The following INTS9 variants were observed in gnomAD, a reference collection of about 807,000 sequenced individuals.
INTS9 encodes the protein integrator complex subunit 9.
Under a neutral mutation model 79.7 loss-of-function variants are expected in INTS9, and 55 were observed. That is an observed-to-expected ratio of 0.69 (90% CI 0.56 to 0.86). The LOEUF (loss-of-function observed/expected upper bound fraction) is 0.86. Among genes scored for constraint, INTS9 ranks in the 40% least tolerant of loss-of-function variants. INTS9 has a pLI of 0.00. For missense variants in INTS9, 721 were observed against 831.5 expected, an observed-to-expected ratio of 0.87 and a Z score of 1.64; for synonymous variants, 319 against 325.2, an observed-to-expected ratio of 0.98 and a Z score of 0.20.
chr8:28,793,186 G>A (rs1181906955), intron 10 of INTS9, among the ~76,000 whole-genome samples: 1 of 152,104 alleles, frequency 6.6e-6, no homozygotes, highest in African/African-American at 2.4e-5. Context: ...TCACAGTCCC[G>A]GAACGTTTGG....
At chr8:28,776,847 C>T (rs1169191254) in intron 13 of INTS9, among the ~76,000 whole-genome samples, 2 of 152,162 alleles carry the variant, frequency 1.3e-5, no homozygotes, top group Non-Finnish European at 2.9e-5. Context: ...GCGTCAAGAG[C>T]TGGTTTAGGG....
intron 2 of INTS9, among the ~76,000 whole-genome samples, chr8:28,857,762 C>A (rs1460161908): frequency 2.0e-5 from 3 of 152,120 alleles, no homozygotes; most frequent in African/African-American, 7.2e-5. Flanking sequence ...GAACCAAATT[C>A]CCTGCCTTTA....
At chr8:28,828,769 G>T (rs1806298011) in intron 6 of INTS9, among the ~76,000 whole-genome samples, 2 of 152,016 alleles carry the variant, frequency 1.3e-5, no homozygotes, top group South Asian at 4.2e-4. Flanking sequence ...CACGATCTCG[G>T]CTCACCGCAA....
At chr8:28,849,350 C>T (rs570947412) in intron 3 of INTS9, among the ~76,000 whole-genome samples, 11 of 151,984 alleles carry the variant, frequency 7.2e-5, no homozygotes, top group East Asian at 3.9e-4. Flanking sequence ...ACTATTGATC[C>T]GAGGAAGGAA....
At chr8:28,801,766 C>A (rs1804541366) in intron 8 of INTS9, among the ~76,000 whole-genome samples, 1 of 152,258 alleles carries the variant, frequency 6.6e-6, no homozygotes, top group Admixed American at 6.5e-5. Flanking sequence ...GTGTGTGCCA[C>A]CATGGCCAGC....
intron 6 of INTS9, among the ~76,000 whole-genome samples, chr8:28,822,360 C>A (rs1311142806): frequency 5.9e-5 from 9 of 152,180 alleles, no homozygotes; most frequent in African/African-American, 2.2e-4. Context: ...AATTGGCAAA[C>A]CTTTTCCATA....
intron 14 of INTS9, among the ~76,000 whole-genome samples, chr8:28,773,463 CAAAA>C (rs142334976): frequency 7.4e-5 from 8 of 107,802 alleles, no homozygotes; most frequent in Non-Finnish European, 7.6e-5. Context: ...GACTCCGTCT[CAAAA>C]AAAAAAAAAA....
intron 16 of INTS9, among the ~76,000 whole-genome samples, chr8:28,769,105 C>G (rs757493363): frequency 2.6e-5 from 4 of 152,290 alleles, no homozygotes; most frequent in Non-Finnish European, 1.5e-5. Context: ...CAGCCAGAGC[C>G]TTTTTCCCTA....
chr8:28,780,332 G>C (rs1803181166), intron 12 of INTS9: 1 of 979,756 alleles, frequency 1.0e-6, no homozygotes, highest in Non-Finnish European at 1.2e-6. Flanking sequence ...GCATTCAAAG[G>C]GCTGGGCACG....
chr8:28,847,885 T>A (rs1807615515), intron 3 of INTS9, among the ~76,000 whole-genome samples: 1 of 152,228 alleles, frequency 6.6e-6, no homozygotes, highest in Admixed American at 6.5e-5. Flanking sequence ...CAGACAGCTC[T>A]GAGTTATCCC....
At chr8:28,789,263 G>T (rs115553797) in intron 10 of INTS9, among the ~76,000 whole-genome samples, 1 of 152,180 alleles carries the variant, frequency 6.6e-6, no homozygotes, top group African/African-American at 2.4e-5. Flanking sequence ...ATACAGAAGA[G>T]ATTACAATAT....
intron 1 of INTS9, among the ~76,000 whole-genome samples, chr8:28,881,927 C>A (rs1305081419): frequency 1.4e-5 from 2 of 147,278 alleles, no homozygotes; most frequent in African/African-American, 2.5e-5. Context: ...AGCCCCTCTG[C>A]CCGGCCACGA....
At chr8:28,826,983 C>CT (rs1806185607) in intron 6 of INTS9, among the ~76,000 whole-genome samples, 1 of 152,178 alleles carries the variant, frequency 6.6e-6, no homozygotes, top group African/African-American at 2.4e-5. Flanking sequence ...CTTTGTTGTG[C>CT]TTCCTCTATC....
Position 28,826,452 on chromosome 8 carries a change from G to A in INTS9, c.488+8840C>T, listed in dbSNP as rs555284738. 3.5e-4 allele frequency among the ~76,000 whole-genome samples: 54 copies of A among 152,298 alleles called. No homozygotes were observed. In the Middle Eastern group the frequency reaches 0.034, roughly 96 times the overall value. ...GGAGCTCAGGGGTAACCCGGAGGAG[G>A]AAAGCCAAGCCGTCCCACTGCCTCT... is the stretch of plus-strand genomic sequence containing the variant. On this transcript the variant is annotated intron_variant, in intron 6 of 16. Coordinates refer to ENST00000521022, the MANE Select transcript of INTS9 (RefSeq NM_018250.4).
At chr8:28,868,335 T>C (rs927334346) in intron 1 of INTS9, among the ~76,000 whole-genome samples, 10 of 152,230 alleles carry the variant, frequency 6.6e-5, no homozygotes, top group Non-Finnish European at 1.2e-4. Flanking sequence ...GTAAAGTAGT[T>C]CTGCTGTTGA....
At chr8:28,876,531 A>C (rs1015626900) in intron 1 of INTS9, among the ~76,000 whole-genome samples, 2 of 152,236 alleles carry the variant, frequency 1.3e-5, no homozygotes, top group African/African-American at 4.8e-5. Flanking sequence ...AAAATACATA[A>C]AAATTTCAAG....
At chr8:28,807,982 A>T (rs1279488317) in intron 8 of INTS9, among the ~76,000 whole-genome samples, 3 of 152,212 alleles carry the variant, frequency 2.0e-5, no homozygotes, top group Non-Finnish European at 2.9e-5. Flanking sequence ...CATGGTTGCT[A>T]AATATCAAAT....
chr8:28,881,340 G>A (rs1216063642), intron 1 of INTS9, among the ~76,000 whole-genome samples: 3 of 144,172 alleles, frequency 2.1e-5, no homozygotes, highest in African/African-American at 7.7e-5. Context: ...GCCCCGTCCG[G>A]GAGGTGAGGG....
chr8:28,876,705 A>C (rs758901303), intron 1 of INTS9, among the ~76,000 whole-genome samples: 33 of 152,136 alleles, frequency 2.2e-4, no homozygotes, highest in Non-Finnish European at 4.4e-4. Flanking sequence ...AAAAATCTGC[A>C]AAGTTATGCA....
Sources: allele counts gnomAD v4.1 joint callset (sites outside exome capture counted in the v4.1 genomes callset), GRCh38; gene constraint gnomAD v4.1.1; transcripts MANE v1.5; gene names NCBI Gene and HGNC (gene_info 2026-07-23, HGNC 2026-07-21).